The following PATJ variants were observed in gnomAD, a reference collection of about 807,000 sequenced individuals.
The protein encoded by PATJ is inaD-like protein.
In PATJ, 190 loss-of-function variants were observed where a neutral mutation model predicts 224.9. The ratio of observed to expected loss-of-function variants is 0.84; its 90% CI spans 0.75 to 0.95. The LOEUF (loss-of-function observed/expected upper bound fraction) is 0.95, where lower values mean the gene tolerates loss of function less well. Among genes scored for constraint, PATJ ranks in the 40% least tolerant of loss-of-function variants. PATJ has a pLI of 0.00. For missense variants in PATJ, 2,121 were observed against 2,270.3 expected (o/e 0.93, Z 1.34); for synonymous variants, 769 against 820.3 (o/e 0.94, Z 1.07).
chr1:62,063,960 A>G (rs1462829675), intron 31 of PATJ, among the ~76,000 whole-genome samples: 1 of 152,172 alleles, frequency 6.6e-6, no homozygotes, highest in Non-Finnish European at 1.5e-5. Context: ...AGAGAATTTG[A>G]CTTTTTATTC....
chr1:61,804,241 A>G (rs377542032), intron 12 of PATJ, among the ~76,000 whole-genome samples: 28 of 152,196 alleles, frequency 1.8e-4, no homozygotes, highest in African/African-American at 6.8e-4. Context: ...GCAGAGCCCA[A>G]ATGAATTTGA....
At chr1:61,985,031 G>A (rs1184525443) in intron 27 of PATJ, among the ~76,000 whole-genome samples, 1 of 152,066 alleles carries the variant, frequency 6.6e-6, no homozygotes, top group Non-Finnish European at 1.5e-5. Flanking sequence ...TGCTGGTTTT[G>A]GCCAGGCATG....
At chr1:62,130,971 G>T (rs1447089357) in intron 41 of PATJ, among the ~76,000 whole-genome samples, 1 of 152,174 alleles carries the variant, frequency 6.6e-6, no homozygotes, top group African/African-American at 2.4e-5. Flanking sequence ...GTATGTATGA[G>T]GGGTATAATG....
chr1:62,057,513 C>T (rs1434757411), intron 31 of PATJ, among the ~76,000 whole-genome samples: 4 of 152,160 alleles, frequency 2.6e-5, no homozygotes, highest in South Asian at 4.1e-4. Flanking sequence ...CCAGAGCGGA[C>T]GCTGATGCCC....
At position 61,959,442 on chromosome 1, in the gene PATJ, T is replaced by A. The variant is rs867014379; in HGVS notation, c.3671-30726T>A. 3.0e-3 allele frequency among the ~76,000 whole-genome samples: 430 copies of A among 141,332 alleles called. 1 individual carries two copies. The highest frequency in any genetic ancestry group is 0.011 in the Middle Eastern group (3 of 274). 92.7% of individuals were successfully genotyped at this position (141,332 alleles called of 152,430 possible). A position where few individuals can be genotyped will look rare whatever the true frequency, so the allele number is the denominator to read the frequency against. On this transcript the variant is annotated intron_variant, in intron 27 of 43. Coordinates refer to ENST00000642238, the MANE Select transcript of PATJ (RefSeq NM_001350145.3). Reference sequence around the variant, plus strand: ...TATAATATATTTTTTTTCTTTTCTTTTTTTTTTTTTTGAGACAGAGTTTTG... The same window carrying A: ...TATAATATATTTTTTTTCTTTTCTTATTTTTTTTTTTGAGACAGAGTTTTG...
rs868037093 is a variant in PATJ, at chr1:61,937,685, T to C, written c.3670+9856T>C. Among the ~76,000 whole-genome samples the C allele has an allele frequency of 2.0e-5, 3 of 147,590 alleles. No homozygotes were observed. In the Admixed American group the frequency reaches 2.1e-4, roughly 10 times the overall value. On this transcript the variant is annotated intron_variant, in intron 27 of 43. Coordinates refer to ENST00000642238, the MANE Select transcript of PATJ (RefSeq NM_001350145.3). ...TTTTTTTTGAGACGGAGCGTTGCTC[T>C]TGTTGCCCAGGCTGGAGCGCAATGG...
intron 33 of PATJ, among the ~76,000 whole-genome samples, chr1:62,089,238 T>G (rs1570540593): frequency 1.3e-5 from 2 of 152,180 alleles, no homozygotes; most frequent in South Asian, 2.1e-4. Context: ...ATGTGTCTTC[T>G]GTGCTGCTCT....
chr1:62,062,392 C>CT (rs60747316), intron 31 of PATJ, among the ~76,000 whole-genome samples: 536 of 28,432 alleles, frequency 0.019, 79 homozygotes, highest in African/African-American at 0.068. Context: ...ATGTTGTCTT[C>CT]TTTTTTTTTT....
At chr1:61,760,750 G>A (rs374074375) in intron 1 of PATJ, among the ~76,000 whole-genome samples, 1 of 151,406 alleles carries the variant, frequency 6.6e-6, no homozygotes, top group African/African-American at 2.4e-5. Flanking sequence ...CCGAGTAGCT[G>A]GAATTATGGG....
At chr1:61,869,516 T>C (rs1018872751) in intron 20 of PATJ, among the ~76,000 whole-genome samples, 1 of 152,200 alleles carries the variant, frequency 6.6e-6, no homozygotes, top group Admixed American at 6.5e-5. Flanking sequence ...GAATGTTTGA[T>C]AGCCTCATTT....
chr1:62,147,010 G>A (rs1019359064), intron 41 of PATJ, among the ~76,000 whole-genome samples: 50 of 152,070 alleles, frequency 3.3e-4, no homozygotes, highest in African/African-American at 1.1e-3. Flanking sequence ...ACGTCCCATA[G>A]ATGTCTATGG....
chr1:61,974,372 C>T lies in PATJ; in HGVS notation c.3671-15796C>T, dbSNP rs1244530996. Among the ~76,000 whole-genome samples, 5 of 149,672 alleles carry T rather than the reference C, an allele frequency of 3.3e-5. No homozygotes were observed. The East Asian group carries it at 7.8e-4, about 23-fold the overall frequency. ...TAGGTCTTCTCCATTAGATAATTGCCTCAGAGATACCCCCATCTCTCTCTC... is the reference window on the plus strand; with the variant it reads ...TAGGTCTTCTCCATTAGATAATTGCTTCAGAGATACCCCCATCTCTCTCTC... On this transcript the variant is annotated intron_variant, in intron 27 of 43. Coordinates refer to ENST00000642238, the MANE Select transcript of PATJ (RefSeq NM_001350145.3).
At chr1:61,842,821 G>T (rs555369540) in intron 17 of PATJ, among the ~76,000 whole-genome samples, 13 of 151,804 alleles carry the variant, frequency 8.6e-5, no homozygotes, top group African/African-American at 2.9e-4. Flanking sequence ...CCCCAGAGGT[G>T]TTTCATCACC....
At chr1:61,869,954 C>T (rs1192204012) in intron 20 of PATJ, among the ~76,000 whole-genome samples, 1 of 152,202 alleles carries the variant, frequency 6.6e-6, no homozygotes, top group African/African-American at 2.4e-5. Flanking sequence ...TCCCCGAAGC[C>T]CCAGTGGGCG....
chr1:61,834,319 AAATAG>A (rs1291502879), intron 17 of PATJ, among the ~76,000 whole-genome samples: 1 of 152,232 alleles, frequency 6.6e-6, no homozygotes, highest in Non-Finnish European at 1.5e-5. Context: ...GTGCTTAAAT[AAATAG>A]AAGTGTTCTT....
intron 43 of PATJ, among the ~76,000 whole-genome samples, chr1:62,160,089 G>A (rs750457561): frequency 6.6e-6 from 1 of 151,826 alleles, no homozygotes; most frequent in Non-Finnish European, 1.5e-5. Flanking sequence ...ACTTTTCAAG[G>A]GACTGAAACA....
intron 27 of PATJ, among the ~76,000 whole-genome samples, chr1:61,944,098 A>G (rs1249267138): frequency 1.3e-5 from 2 of 152,220 alleles, no homozygotes; most frequent in Non-Finnish European, 2.9e-5. Flanking sequence ...AAAGGTAGAT[A>G]AAACCATGGA....
At chr1:61,750,919 C>G (rs1334280746) in intron 1 of PATJ, among the ~76,000 whole-genome samples, 1 of 152,058 alleles carries the variant, frequency 6.6e-6, no homozygotes, top group Non-Finnish European at 1.5e-5. Context: ...ATGGAATTAA[C>G]TCTCTCCAAT....
intron 33 of PATJ, among the ~76,000 whole-genome samples, chr1:62,101,019 A>G (rs554482320): frequency 6.6e-6 from 1 of 152,310 alleles, no homozygotes; most frequent in Admixed American, 6.5e-5. Flanking sequence ...ATAACCCTCA[A>G]GCACTTGGTA....
Sources: allele counts gnomAD v4.1 joint callset (sites outside exome capture counted in the v4.1 genomes callset), GRCh38; gene constraint gnomAD v4.1.1; transcripts MANE v1.5; gene names NCBI Gene and HGNC (gene_info 2026-07-23, HGNC 2026-07-21).